VIPR2: variants seen among roughly 807,000 people sequenced by gnomAD.
VIPR2 encodes the protein vasoactive intestinal polypeptide receptor 2.
A neutral mutation model predicts 58.0 loss-of-function variants in VIPR2; 48 were observed. The ratio of observed to expected loss-of-function variants is 0.83; its 90% confidence interval spans 0.66 to 1.05. The LOEUF (loss-of-function observed/expected upper bound fraction) is 1.05, where lower values mean the gene tolerates loss of function less well. Ranked by LOEUF, VIPR2 falls within the 50% of genes least tolerant of loss-of-function variation. The probability of loss-of-function intolerance (pLI) is 0.00; values close to 1 mark genes in which losing one functional copy is unlikely to be tolerated. For synonymous variants in VIPR2, 243 were observed against 235.2 expected (o/e 1.03, Z -0.30); for missense variants, 534 against 558.0 (o/e 0.96, Z 0.43).
At chr7:159,063,784 G>T (rs547080283) in intron 4 of VIPR2, among the ~76,000 whole-genome samples, 6 of 118,450 alleles carry the variant, frequency 5.1e-5, no homozygotes, top group African/African-American at 1.6e-4. Context: ...TCCAGGTGGG[G>T]TCTGGGGGTC....
At chr7:159,102,259 A>G (rs971208449) in intron 4 of VIPR2, among the ~76,000 whole-genome samples, 5 of 152,082 alleles carry the variant, frequency 3.3e-5, no homozygotes, top group Admixed American at 1.3e-4. Flanking sequence ...GTGATAGTGA[A>G]TGGGTCTCAC....
chr7:159,097,220 G>T lies in VIPR2; in HGVS notation c.357+6537C>A. On this transcript the variant is annotated intron_variant, in intron 4 of 12. Coordinates refer to ENST00000262178, the MANE Select transcript of VIPR2 (RefSeq NM_003382.5). This position sits in a 1 kb window ranked among gnomAD's most constrained non-coding sequence, Gnocchi z 5.3. ...AGTGAAGTTTGCCATCAGTGGGAAC[G>T]AGTCACTGCGGTGGCCTGAGTGCTG... The T allele has an allele frequency of 7.0e-7, 1 of 1,421,982 alleles. No homozygotes were observed. The allele number at this position is 1,421,982 out of a possible 1,614,324, so 88.1% of individuals were successfully genotyped here.
At chr7:159,134,220 C>T (rs997070998) in intron 2 of VIPR2, among the ~76,000 whole-genome samples, 1 of 152,152 alleles carries the variant, frequency 6.6e-6, no homozygotes, top group African/African-American at 2.4e-5. Flanking sequence ...TGAGAAAGTA[C>T]ATGCCATTTA....
At chr7:159,083,750 A>C (rs1213044028) in intron 4 of VIPR2, among the ~76,000 whole-genome samples, 1 of 152,218 alleles carries the variant, frequency 6.6e-6, no homozygotes. Flanking sequence ...GGTGACAAGC[A>C]ACATTTGGAA....
chr7:159,061,476 C>T (rs1232860847), intron 4 of VIPR2, among the ~76,000 whole-genome samples: 2 of 151,854 alleles, frequency 1.3e-5, no homozygotes, highest in South Asian at 2.1e-4. Flanking sequence ...GTGACACCCC[C>T]GTCTCCATAA....
chr7:159,114,778 G>GA (rs925657080), intron 2 of VIPR2, among the ~76,000 whole-genome samples: 2 of 88,136 alleles, frequency 2.3e-5, no homozygotes, highest in East Asian at 7.3e-4. Context: ...CTGTCTCAAA[G>GA]AAAAAAAAGA....
At chr7:159,077,003 TAGAGA>T in intron 4 of VIPR2, among the ~76,000 whole-genome samples, 1 of 152,278 alleles carries the variant, frequency 6.6e-6, no homozygotes, top group African/African-American at 2.4e-5. Flanking sequence ...TTTCAATGAG[TAGAGA>T]TTGACTTTAT....
intron 2 of VIPR2, 110 bp downstream of exon 2, chr7:159,142,336 T>TC (rs1797506011): frequency 1.3e-6 from 1 of 772,708 alleles, no homozygotes; most frequent in Non-Finnish European, 2.1e-6. Context: ...CCTTTCTTTT[T>TC]CTTTTTTTTT....
At chr7:159,066,127 C>CTGCAG (rs1345949886) in intron 4 of VIPR2, among the ~76,000 whole-genome samples, 2 of 151,912 alleles carry the variant, frequency 1.3e-5, no homozygotes, top group South Asian at 2.1e-4. Flanking sequence ...ATGCCTGATC[C>CTGCAG]CACGTTGTCC....
At position 159,128,251 on chromosome 7, in the gene VIPR2, A is replaced by G. The variant is rs1429954653; in HGVS notation, c.151+14195T>C. The stretch of plus-strand genomic sequence containing the variant: ...TGTGGAACAGCTGCTGGGCCCTGGG[A>G]TGTCTGCCCCATCCATACCTTGGGA... On this transcript the variant is annotated intron_variant, in intron 2 of 12. Coordinates refer to ENST00000262178, the MANE Select transcript of VIPR2 (RefSeq NM_003382.5). The surrounding 1 kb of genome is among the most constrained non-coding windows in gnomAD (Gnocchi z 4.1). Among the ~76,000 whole-genome samples the G allele has an allele frequency of 6.6e-6, 1 of 152,028 alleles. No individual in the cohort carries two copies. The highest frequency in any genetic ancestry group is 1.5e-5 in the Non-Finnish European group (1 of 67,982).
At chr7:159,034,529 G>T in intron 9 of VIPR2, 52 bp downstream of exon 9, 1 of 1,552,238 alleles carries the variant, frequency 6.4e-7, no homozygotes, top group Non-Finnish European at 8.9e-7. Flanking sequence ...CTTGCTGTCT[G>T]CCCAAGTGTG....
intron 5 of VIPR2, 86 bp from the exon 6 acceptor site, chr7:159,043,262 C>G (rs1854457202): frequency 8.0e-7 from 1 of 1,248,584 alleles, no homozygotes; most frequent in East Asian, 2.6e-5. Flanking sequence ...GAAACTCATA[C>G]TATGATCAGA....
intron 4 of VIPR2, among the ~76,000 whole-genome samples, chr7:159,082,499 A>G (rs1213083707): frequency 3.3e-5 from 5 of 152,342 alleles, no homozygotes; most frequent in African/African-American, 1.2e-4. Context: ...GGATAGCATT[A>G]GGAGATATAC....
intron 4 of VIPR2, among the ~76,000 whole-genome samples, chr7:159,061,596 T>A (rs1156675757): frequency 6.6e-6 from 1 of 151,434 alleles, no homozygotes; most frequent in African/African-American, 2.4e-5. Context: ...GGAGGCTGCC[T>A]AAGCTGTGAT....
intron 6 of VIPR2, 100 bp downstream of exon 6, chr7:159,042,935 A>G: frequency 6.9e-7 from 1 of 1,455,476 alleles, no homozygotes; most frequent in Non-Finnish European, 9.2e-7. Flanking sequence ...CTGTGCCCTG[A>G]CAGGAACCCT....
rs200691122 is a variant in VIPR2, at chr7:159,031,767, G to A, written c.1143+61C>T. The stretch of plus-strand genomic sequence containing the variant: ...GTGTGGGGGCTGCGGCACCAGGCTG[G>A]GCAGCATCTCAGGAAGCAAGTGAGT... On this transcript the variant is annotated intron_variant, in intron 12 of 12. Transcript: ENST00000262178. This position sits in a 1 kb window ranked among gnomAD's most constrained non-coding sequence, Gnocchi z 4.0. The A allele has an allele frequency of 1.2e-4, 186 of 1,612,514 alleles. 2 individuals are homozygous for A. The South Asian group carries it at 1.9e-3, about 16-fold the overall frequency.
intron 2 of VIPR2, among the ~76,000 whole-genome samples, chr7:159,123,145 T>C (rs1233675690): frequency 1.3e-5 from 2 of 151,906 alleles, no homozygotes; most frequent in Non-Finnish European, 1.5e-5. Flanking sequence ...ATACAAAAAT[T>C]AGCTGGGCGT....
At position 159,101,383 on chromosome 7, in the gene VIPR2, G is replaced by A. The variant is rs527556631; in HGVS notation, c.357+2374C>T. Among the ~76,000 whole-genome samples, 1,026 of 122,808 alleles carry A rather than the reference G, an allele frequency of 8.4e-3. 13 individuals carry two copies. Among genetic ancestry groups the A allele is most frequent in the African/African-American group, 0.03 (947 of 31,414 alleles). 80.6% of individuals were successfully genotyped at this position (122,808 alleles called of 152,430 possible). A position where few individuals can be genotyped will look rare whatever the true frequency, so the allele number is the denominator to read the frequency against. ...CGGGTCTCACGAGATCCGACGAGGC[G>A]GTTCCGACCGTTCCTGTGGTAGTGA... is the stretch of plus-strand genomic sequence containing the variant. On this transcript the variant is annotated intron_variant, in intron 4 of 12. Coordinates refer to ENST00000262178, the MANE Select transcript of VIPR2 (RefSeq NM_003382.5).
chr7:159,032,129 T>C, intron 10 of VIPR2, 62 bp from the exon 11 acceptor site: 1 of 1,598,954 alleles, frequency 6.3e-7, no homozygotes, highest in Non-Finnish European at 8.5e-7. Flanking sequence ...CAAGCCTGGC[T>C]GGGTCCTTCT....
Sources: allele counts gnomAD v4.1 joint callset (sites outside exome capture counted in the v4.1 genomes callset), GRCh38; gene constraint gnomAD v4.1.1; non-coding constraint Gnocchi (gnomAD v3.1); transcripts MANE v1.5; gene names NCBI Gene and HGNC (gene_info 2026-07-23, HGNC 2026-07-21).